BMAL1: variants seen among roughly 807,000 people sequenced by gnomAD.
BMAL1 encodes the protein basic helix-loop-helix ARNT like 1, also known as basic helix-loop-helix ARNT-like protein 1.
the BMAL1 span, among the ~76,000 whole-genome samples, chr11:13,372,796 G>A: frequency 6.6e-6 from 1 of 152,070 alleles, no homozygotes; most frequent in Non-Finnish European, 1.5e-5. Flanking sequence ...GGGCAACAGA[G>A]TGAGACCCTG....
chr11:13,339,458 TGG>T, the BMAL1 span, among the ~76,000 whole-genome samples: 8 of 147,192 alleles, frequency 5.4e-5, no homozygotes, highest in Admixed American at 2.7e-4. Context: ...CACACACACA[TGG>T]TATCTTCTCA....
the BMAL1 span, among the ~76,000 whole-genome samples, chr11:13,321,889 G>A: frequency 3.7e-3 from 559 of 152,202 alleles, 3 homozygotes; most frequent in African/African-American, 0.012. Flanking sequence ...TTCCAGCTTC[G>A]GTTCTGCTGG....
At chr11:13,310,976 TG>T in the BMAL1 span, among the ~76,000 whole-genome samples, 2 of 152,182 alleles carry the variant, frequency 1.3e-5, no homozygotes, top group African/African-American at 2.4e-5. Context: ...AAAGGATCAA[TG>T]GAGGAGATAC....
the BMAL1 span, among the ~76,000 whole-genome samples, chr11:13,360,653 A>G: frequency 6.6e-6 from 1 of 152,152 alleles, no homozygotes; most frequent in African/African-American, 2.4e-5. Context: ...GGTCTATGCC[A>G]CCGCAATTTA....
At chr11:13,367,696 C>G in the BMAL1 span, among the ~76,000 whole-genome samples, 1 of 128,608 alleles carries the variant, frequency 7.8e-6, no homozygotes, top group Non-Finnish European at 1.6e-5. Context: ...CAGAGCAAGA[C>G]TCTGTCTCAG....
the BMAL1 span, among the ~76,000 whole-genome samples, chr11:13,370,514 C>T: frequency 6.6e-6 from 1 of 152,358 alleles, no homozygotes; most frequent in South Asian, 2.1e-4. Flanking sequence ...GCTGGCTGCT[C>T]ATGCTAGAAG....
At chr11:13,375,751 C>T in the BMAL1 span, 4 of 1,570,494 alleles carry the variant, frequency 2.5e-6, no homozygotes, top group Non-Finnish European at 8.6e-7. Context: ...TCTCAACTAA[C>T]ACTGTTGTTT....
At chr11:13,278,565 C>A in the BMAL1 span, among the ~76,000 whole-genome samples, 1 of 152,240 alleles carries the variant, frequency 6.6e-6, no homozygotes, top group South Asian at 2.1e-4. Context: ...GCCCTGTAGC[C>A]AGGGCTGGCG....
the BMAL1 span, among the ~76,000 whole-genome samples, chr11:13,363,145 T>C: frequency 1.5e-5 from 1 of 67,814 alleles, no homozygotes; most frequent in Admixed American, 1.6e-4. Flanking sequence ...TATATATATA[T>C]ATATATATAT....
chr11:13,361,866 CAG>C, the BMAL1 span, among the ~76,000 whole-genome samples: 13,718 of 152,144 alleles, frequency 0.09, 833 homozygotes, highest in Admixed American at 0.18. Context: ...ACTGTAAAAA[CAG>C]GGGTAAATGA....
At chr11:13,288,417 T>TCTTTC in the BMAL1 span, among the ~76,000 whole-genome samples, 3 of 44,352 alleles carry the variant, frequency 6.8e-5, no homozygotes, top group African/African-American at 2.1e-4. Context: ...TTTCTTTCTT[T>TCTTTC]TTTTTTCTTT....
At chr11:13,345,340 T>C in the BMAL1 span, among the ~76,000 whole-genome samples, 1 of 152,222 alleles carries the variant, frequency 6.6e-6, no homozygotes, top group Non-Finnish European at 1.5e-5. Context: ...TAGCTCTCCT[T>C]GCTCAGGCCT....
At chr11:13,357,210 C>T in the BMAL1 span, 1 of 1,454,268 alleles carries the variant, frequency 6.9e-7, no homozygotes, top group East Asian at 2.4e-5. The surrounding 1 kb of genome is among the most constrained non-coding windows in gnomAD (Gnocchi z 4.8). Context: ...GGCACTGTCA[C>T]CTCCTTAGGG....
At chr11:13,314,008 A>C in the BMAL1 span, among the ~76,000 whole-genome samples, 472 of 151,812 alleles carry the variant, frequency 3.1e-3, 4 homozygotes, top group African/African-American at 0.011. Flanking sequence ...TCTCCTGGGA[A>C]TGGCGTGGTC....
chr11:13,360,539 C>A, the BMAL1 span: 2 of 848,064 alleles, frequency 2.4e-6, no homozygotes, highest in Non-Finnish European at 3.7e-6. Flanking sequence ...AGGCCTGCTT[C>A]CTCTCTCAGG....
At chr11:13,314,228 A>ACC in the BMAL1 span, among the ~76,000 whole-genome samples, 1 of 85,346 alleles carries the variant, frequency 1.2e-5, no homozygotes, top group Non-Finnish European at 2.3e-5. Flanking sequence ...AAGGGTGGAG[A>ACC]CCACACACAC....
the BMAL1 span, chr11:13,376,477 A>G: frequency 1.4e-6 from 1 of 733,568 alleles, no homozygotes. Context: ...GATGCTATCC[A>G]TTATATTATC....
At chr11:13,358,732 A>G in the BMAL1 span, 1 of 942,200 alleles carries the variant, frequency 1.1e-6, no homozygotes, top group Non-Finnish European at 1.5e-6. Flanking sequence ...CTCTTCAGCA[A>G]CAGCCGTGAT....
At chr11:13,352,253 T>C in the BMAL1 span, among the ~76,000 whole-genome samples, 4 of 152,080 alleles carry the variant, frequency 2.6e-5, no homozygotes, top group Non-Finnish European at 5.9e-5. Flanking sequence ...AAGTATGAAG[T>C]CCTTCATAGC....
Sources: allele counts gnomAD v4.1 joint callset (sites outside exome capture counted in the v4.1 genomes callset), GRCh38; gene constraint gnomAD v4.1.1; non-coding constraint Gnocchi (gnomAD v3.1); transcripts MANE v1.5; gene names NCBI Gene and HGNC (gene_info 2026-07-23, HGNC 2026-07-21).